Variants in MAJIN observed in about 807,000 individuals in gnomAD.
MAJIN encodes membrane-anchored junction protein.
Under a neutral mutation model 30.2 loss-of-function variants are expected in MAJIN, and 27 were observed. That is an observed-to-expected ratio of 0.89 (90% CI 0.66 to 1.23). The LOEUF is 1.23. MAJIN is among the 50% of genes most tolerant of loss of function. The probability of loss-of-function intolerance (pLI) is 0.00; values close to 1 mark genes in which losing one functional copy is unlikely to be tolerated. For synonymous variants in MAJIN, 78 were observed against 91.6 expected (o/e 0.85, Z 0.85); for missense variants, 253 against 260.3 (o/e 0.97, Z 0.19).
chr11:64,964,877 C>A (rs1433014171), intron 1 of MAJIN, among the ~76,000 whole-genome samples: 5 of 152,106 alleles, frequency 3.3e-5, no homozygotes, highest in Non-Finnish European at 7.4e-5. Context: ...TGAGCCACTG[C>A]ACCCGGCCTA....
Position 64,959,712 on chromosome 11 carries a change from C to T in MAJIN, c.-17-290G>A, listed in dbSNP as rs574950600. Among the ~76,000 whole-genome samples the T allele has an allele frequency of 1.3e-4, 20 of 152,254 alleles. No individual in the cohort carries two copies. In the South Asian group the frequency reaches 2.3e-3, roughly 17 times the overall value. On this transcript the variant is annotated intron_variant, in intron 2 of 10. Coordinates refer to ENST00000301896, the MANE Select transcript of MAJIN (RefSeq NM_001037225.3). ...CCAGAAGACTAATGATACTAGTATC[C>T]GCCCTGATGACTCAGAGTCTTTGTT...
rs147664319 is a variant in MAJIN, at chr11:64,940,988, G to A, written c.474-342C>T. On this transcript the variant is annotated intron_variant, in intron 8 of 10. Transcript: ENST00000301896. ...TGAGTAGCTGGGACTACAGGCGCCC[G>A]CCACCATGCCCGGCTAATTTTTTGT... Among the ~76,000 whole-genome samples the A allele has an allele frequency of 3.3e-3, 495 of 151,614 alleles. 2 individuals are homozygous for A. The highest frequency in any genetic ancestry group is 0.012 in the African/African-American group (482 of 41,342).
intron 6 of MAJIN, 39 bp from the exon 7 acceptor site, chr11:64,947,858 C>CTTTTT (rs35160886): frequency 9.0e-6 from 11 of 1,216,506 alleles, no homozygotes; most frequent in Admixed American, 4.7e-5. Context: ...AGATTTAAGA[C>CTTTTT]TTTTTTTTTT....
At chr11:64,948,361 A>C (rs1590694053) in intron 6 of MAJIN, among the ~76,000 whole-genome samples, 1 of 151,952 alleles carries the variant, frequency 6.6e-6, no homozygotes, top group South Asian at 2.1e-4. Flanking sequence ...AAAAGAAAAA[A>C]GGTAGAACTT....
chr11:64,950,557 G>T, intron 4 of MAJIN, 127 bp from the exon 5 acceptor site: 2 of 755,976 alleles, frequency 2.6e-6, no homozygotes, highest in Non-Finnish European at 4.3e-6. Context: ...CCTTTAACAC[G>T]TGTTCTGATT....
intron 8 of MAJIN, among the ~76,000 whole-genome samples, chr11:64,942,869 T>G (rs1401402344): frequency 6.6e-6 from 1 of 152,192 alleles, no homozygotes; most frequent in Non-Finnish European, 1.5e-5. Context: ...TTAATTCTGC[T>G]GCATACAGTA....
chr11:64,950,522 T>A, intron 4 of MAJIN, 92 bp from the exon 5 acceptor site: 1 of 1,030,472 alleles, frequency 9.7e-7, no homozygotes, highest in Non-Finnish European at 1.5e-6. Context: ...CCCTATACAC[T>A]ATCAAAACTG....
rs987799765 is a variant in MAJIN at position 64,965,627 on chromosome 11, T to C, written c.-64-5492A>G. On this transcript the variant is annotated intron_variant, in intron 1 of 10. Transcript: ENST00000301896. ...ACCTCACCACCCTGTCCAGTAGTTGTGGCTTGTTACATGAAAATTAACCTG... is the reference window on the plus strand; with the variant it reads ...ACCTCACCACCCTGTCCAGTAGTTGCGGCTTGTTACATGAAAATTAACCTG... Among the ~76,000 whole-genome samples, 3 of 152,286 alleles carry C rather than the reference T, an allele frequency of 2.0e-5. No individual in the cohort carries two copies. In the East Asian group the frequency reaches 5.8e-4, roughly 29 times the overall value.
intron 8 of MAJIN, among the ~76,000 whole-genome samples, chr11:64,941,252 A>C (rs1394470838): frequency 3.9e-5 from 6 of 152,240 alleles, no homozygotes; most frequent in Non-Finnish European, 7.3e-5. Context: ...GTTACTGAGT[A>C]CCTACTATTA....
chr11:64,943,426 A>G (rs570854128), intron 8 of MAJIN, among the ~76,000 whole-genome samples: 1 of 152,328 alleles, frequency 6.6e-6, no homozygotes, highest in South Asian at 2.1e-4. Flanking sequence ...ACAGGCTCCC[A>G]ATGTGTTCAG....
In MAJIN at chr11:64,970,361, CTTTTT is replaced by C. The variant is rs1196525730; in HGVS notation, c.-65+1511_-65+1515del. On this transcript the variant is annotated intron_variant, in intron 1 of 10. Transcript: ENST00000301896. ...CTGGGGGACAAGAGCAAGACTCCGT[CTTTTT>C]TTTTTTTTTTTTTTTTTTGAGACGG... Among the ~76,000 whole-genome samples, 7 of 66,056 alleles carry C rather than the reference CTTTTT, an allele frequency of 1.1e-4. No homozygotes were observed. The East Asian group carries it at 1.2e-3, about 11-fold the overall frequency. The allele number at this position is 66,056 out of a possible 152,430, so 43.3% of individuals were successfully genotyped here.
intron 6 of MAJIN, 70 bp from the exon 7 acceptor site, chr11:64,947,889 T>C: frequency 7.1e-7 from 1 of 1,406,424 alleles, no homozygotes; most frequent in Non-Finnish European, 1.0e-6. Flanking sequence ...AGATTAAGTC[T>C]CTCTCTGTCA....
intron 1 of MAJIN, among the ~76,000 whole-genome samples, chr11:64,965,772 C>T (rs1945797087): frequency 6.6e-6 from 1 of 152,060 alleles, no homozygotes; most frequent in South Asian, 2.1e-4. Context: ...CTGGCTAACA[C>T]GGTGAAACCC....
At chr11:64,948,416 G>A (rs932343127) in intron 6 of MAJIN, among the ~76,000 whole-genome samples, 1 of 150,864 alleles carries the variant, frequency 6.6e-6, no homozygotes, top group Non-Finnish European at 1.5e-5. Flanking sequence ...TTGAGGCAAG[G>A]CCTTTGCACC....
At chr11:64,957,464 G>A (rs766320668) in intron 3 of MAJIN, among the ~76,000 whole-genome samples, 2 of 152,070 alleles carry the variant, frequency 1.3e-5, no homozygotes, top group African/African-American at 4.8e-5. Context: ...GGAGTGCAGC[G>A]GCGCGATCTG....
intron 3 of MAJIN, among the ~76,000 whole-genome samples, chr11:64,955,368 G>T (rs1945615806): frequency 2.0e-5 from 3 of 151,866 alleles, no homozygotes; most frequent in Non-Finnish European, 4.4e-5. Context: ...TTAACTACAT[G>T]TCTCTTTAAA....
chr11:64,939,966 G>A, intron 9 of MAJIN, 199 bp from the exon 10 acceptor site: 1 of 477,226 alleles, frequency 2.1e-6, no homozygotes, highest in Non-Finnish European at 3.8e-6. Flanking sequence ...AGTATTTTCA[G>A]TCAAGCTCCT....
intron 4 of MAJIN, among the ~76,000 whole-genome samples, chr11:64,952,180 C>T (rs186616908): frequency 1.3e-5 from 2 of 151,570 alleles, no homozygotes; most frequent in South Asian, 2.1e-4. Flanking sequence ...TGAGCGACCA[C>T]GCCCGGCCTT....
At chr11:64,953,063 G>A (rs111534893) in intron 4 of MAJIN, among the ~76,000 whole-genome samples, 6,958 of 152,208 alleles carry the variant, frequency 0.046, 184 homozygotes, top group Middle Eastern at 0.065. Flanking sequence ...CCAAACTAGT[G>A]AGCATAAGAG....
Sources: allele counts gnomAD v4.1 joint callset (sites outside exome capture counted in the v4.1 genomes callset), GRCh38; gene constraint gnomAD v4.1.1; transcripts MANE v1.5; gene names NCBI Gene and HGNC (gene_info 2026-07-23, HGNC 2026-07-21).